FRMD4A: variants seen among roughly 807,000 people sequenced by gnomAD.
The protein encoded by FRMD4A is FERM domain-containing protein 4A.
In FRMD4A, 29 loss-of-function variants were observed where a neutral mutation model predicts 129.1. The ratio of observed to expected loss-of-function variants is 0.22; its 90% CI spans 0.17 to 0.31. FRMD4A has a LOEUF of 0.31. Ranked by LOEUF, FRMD4A falls within the 10% of genes least tolerant of loss-of-function variation. FRMD4A has a pLI of 1.00. For missense variants in FRMD4A, 1,272 were observed against 1,375.8 expected (o/e 0.92, Z 1.19); for synonymous variants, 634 against 571.6 (o/e 1.11, Z -1.56).
At chr10:13,921,255 TC>T (rs200625229) in intron 2 of FRMD4A, among the ~76,000 whole-genome samples, 1 of 14,038 alleles carries the variant, frequency 7.1e-5, no homozygotes. Context: ...TCTTTCTCTC[TC>T]TCTCTCTCTT....
intron 2 of FRMD4A, among the ~76,000 whole-genome samples, chr10:13,882,690 C>G (rs1252147601): frequency 6.6e-6 from 1 of 152,212 alleles, no homozygotes; most frequent in Non-Finnish European, 1.5e-5. Context: ...GCCCAGCCAG[C>G]AGGGCAAGCC....
intron 2 of FRMD4A, among the ~76,000 whole-genome samples, chr10:14,043,068 T>A (rs1833848185): frequency 6.6e-6 from 1 of 152,124 alleles, no homozygotes; most frequent in Non-Finnish European, 1.5e-5. Context: ...TTAGAAAATG[T>A]TCAGATCTTC....
intron 2 of FRMD4A, among the ~76,000 whole-genome samples, chr10:14,278,579 G>T (rs1029632835): frequency 2.6e-5 from 4 of 152,154 alleles, no homozygotes; most frequent in African/African-American, 7.2e-5. Flanking sequence ...AATAAATAGG[G>T]CCAGACTGCA....
At chr10:13,940,639 A>T (rs1314417856) in intron 2 of FRMD4A, among the ~76,000 whole-genome samples, 2 of 152,102 alleles carry the variant, frequency 1.3e-5, no homozygotes, top group Non-Finnish European at 2.9e-5. Flanking sequence ...CACAAGGTTA[A>T]CTCTCTTACT....
chr10:13,728,879 A>G (rs2090117583), intron 12 of FRMD4A, among the ~76,000 whole-genome samples: 1 of 150,770 alleles, frequency 6.6e-6, no homozygotes. Context: ...GCCGATGACC[A>G]CTCTTTAGAG....
In FRMD4A at chr10:13,852,723, G is replaced by A. The variant is rs921214765; in HGVS notation, c.111+6124C>T. On this transcript the variant is annotated intron_variant, in intron 3 of 24. Coordinates refer to ENST00000357447, the MANE Select transcript of FRMD4A (RefSeq NM_018027.5). ...TGATTTATACTTGCTCACAGCTGGC[G>A]TGTGATTTATGCTTGCACACAGCTG... 4.6e-5 allele frequency among the ~76,000 whole-genome samples: 7 copies of A among 151,932 alleles called. 1 individual carries two copies. The South Asian group carries it at 6.2e-4, about 14-fold the overall frequency.
chr10:14,044,787 T>C (rs773256147), intron 2 of FRMD4A, among the ~76,000 whole-genome samples: 8 of 152,236 alleles, frequency 5.3e-5, no homozygotes, highest in Non-Finnish European at 8.8e-5. Flanking sequence ...GTAATACAGC[T>C]ACCACCATAA....
At chr10:13,798,348 G>T (rs900070167) in intron 4 of FRMD4A, among the ~76,000 whole-genome samples, 1 of 151,962 alleles carries the variant, frequency 6.6e-6, no homozygotes, top group East Asian at 1.9e-4. Context: ...GGAGATGGAG[G>T]TTGCAGTGAG....
intron 2 of FRMD4A, among the ~76,000 whole-genome samples, chr10:14,008,934 T>A (rs2131632567): frequency 6.6e-6 from 1 of 152,336 alleles, no homozygotes; most frequent in Admixed American, 6.5e-5. Flanking sequence ...ACTGTTGCAA[T>A]CACATGGTTC....
At chr10:13,930,356 G>GCTA (rs2095179387) in intron 2 of FRMD4A, among the ~76,000 whole-genome samples, 1 of 152,190 alleles carries the variant, frequency 6.6e-6, no homozygotes, top group Admixed American at 6.5e-5. Flanking sequence ...GAGGGCTCCT[G>GCTA]CTACTCTCTG....
chr10:13,679,980 T>C (rs2084395069), intron 15 of FRMD4A, among the ~76,000 whole-genome samples: 1 of 152,108 alleles, frequency 6.6e-6, no homozygotes. Flanking sequence ...AAATGCCCAC[T>C]AGGCATCCAC....
At chr10:13,723,282 T>A (rs1459628205) in intron 12 of FRMD4A, among the ~76,000 whole-genome samples, 2 of 152,242 alleles carry the variant, frequency 1.3e-5, no homozygotes, top group Non-Finnish European at 1.5e-5. Context: ...TTGTTTGATA[T>A]CATGGAATAA....
chr10:14,191,469 T>C (rs1842314638), intron 2 of FRMD4A, among the ~76,000 whole-genome samples: 1 of 152,228 alleles, frequency 6.6e-6, no homozygotes, highest in African/African-American at 2.4e-5. Flanking sequence ...ATAAAAGTCC[T>C]GTCTCATGAC....
At chr10:14,290,469 A>T (rs972755625) in intron 2 of FRMD4A, among the ~76,000 whole-genome samples, 1 of 152,140 alleles carries the variant, frequency 6.6e-6, no homozygotes, top group Non-Finnish European at 1.5e-5. Flanking sequence ...CCAAGAATAC[A>T]TACTGGGGAA....
intron 2 of FRMD4A, among the ~76,000 whole-genome samples, chr10:14,066,401 G>A (rs952162035): frequency 6.6e-6 from 1 of 152,152 alleles, no homozygotes; most frequent in African/African-American, 2.4e-5. Context: ...TCAGGAACCT[G>A]GCTGATTGTA....
At chr10:14,254,205 C>A (rs1372641927) in intron 2 of FRMD4A, among the ~76,000 whole-genome samples, 1 of 152,212 alleles carries the variant, frequency 6.6e-6, no homozygotes, top group Non-Finnish European at 1.5e-5. Flanking sequence ...GCACCTTCCT[C>A]CTACTTCAAC....
At chr10:14,229,077 G>C (rs1449655388) in intron 2 of FRMD4A, among the ~76,000 whole-genome samples, 1 of 150,614 alleles carries the variant, frequency 6.6e-6, no homozygotes, top group Non-Finnish European at 1.5e-5. Flanking sequence ...TTGGAGAAAT[G>C]TTTTTTCTTG....
chr10:14,071,643 A>C lies in FRMD4A; in HGVS notation c.46-212731T>G, dbSNP rs79149802. Among the ~76,000 whole-genome samples, 48 of 152,232 alleles carry C rather than the reference A, an allele frequency of 3.2e-4. 1 individual carries two copies. In the East Asian group the frequency reaches 6.2e-3, roughly 20 times the overall value. Reference sequence around the variant, plus strand: ...GGACGGAAAAAGAAGTTAACATACAAATTATTACTGTCCTTAAACTCAGTT... The same window carrying C: ...GGACGGAAAAAGAAGTTAACATACACATTATTACTGTCCTTAAACTCAGTT... On this transcript the variant is annotated intron_variant, in intron 2 of 24. Transcript: ENST00000357447.
chr10:14,118,360 AATT>A (rs1838310776), intron 2 of FRMD4A, among the ~76,000 whole-genome samples: 1 of 152,112 alleles, frequency 6.6e-6, no homozygotes, highest in South Asian at 2.1e-4. Context: ...AGACTCTGTA[AATT>A]TCTGCAGAAA....
Sources: gnomAD v4.1 joint callset for allele counts (sites outside exome capture counted in the v4.1 genomes callset) on GRCh38, gnomAD v4.1.1 for gene constraint, MANE v1.5 for transcripts, NCBI Gene and HGNC (gene_info 2026-07-23, HGNC 2026-07-21) for gene names.